Variants in EDEM3 observed in about 807,000 individuals in gnomAD.
EDEM3 encodes ER degradation-enhancing alpha-mannosidase-like protein 3.
A neutral mutation model predicts 110.2 loss-of-function variants in EDEM3; 60 were observed. That is an observed-to-expected ratio of 0.54 (90% confidence interval 0.44 to 0.67). The LOEUF (loss-of-function observed/expected upper bound fraction) is 0.67. Among genes scored for constraint, EDEM3 ranks in the 30% least tolerant of loss-of-function variants. The pLI, the probability that EDEM3 is intolerant of heterozygous loss-of-function variation, is 0.00. For missense variants in EDEM3, 996 were observed against 1,121.0 expected, an observed-to-expected ratio of 0.89 and a Z score of 1.59; for synonymous variants, 352 against 382.9, an observed-to-expected ratio of 0.92 and a Z score of 0.94.
rs775206379 is a variant in EDEM3 at position 184,754,585 on chromosome 1, A to C, written c.62T>G (p.Leu21Arg). The change falls in exon 1 of 20, where the codon CTA (leucine) becomes CGA (arginine). Residue 21 changes from leucine to arginine, a missense_variant. By Grantham distance (102) the Leu-to-Arg change is moderately radical. This residue lies in a region of EDEM3 where 200 missense variants were observed against 183.8 expected (regional missense o/e 1.09). Transcript: ENST00000318130. Reference protein sequence around the residue: ...SPVPQRARWRLVAATAAFCLV... With the variant: ...SPVPQRARWRRVAATAAFCLV... ...GCAGAACGCGGCCGTCGCCGCCACT[A>C]GTCTCCATCGCGCTCGCTGGGGAAC... 3.7e-6 allele frequency: 6 copies of C among 1,611,954 alleles called. No individual in the cohort carries two copies. Among genetic ancestry groups the C allele is most frequent in the Non-Finnish European group, 5.1e-6 (6 of 1,179,406 alleles).
chr1:184,752,250 T>C (rs1271829437), intron 1 of EDEM3, among the ~76,000 whole-genome samples: 1 of 152,246 alleles, frequency 6.6e-6, no homozygotes, highest in Non-Finnish European at 1.5e-5. Context: ...GTGTAAGTTA[T>C]TGAGCAATTG....
rs1649054479 is a variant in EDEM3 at position 184,691,336 on chromosome 1, G to C, written c.*2727C>G. ...AAAACTAGCTATTTTATTTTTAGTA[G>C]GTAAACAGGTTAAGTTTTAAAACTT... On this transcript the variant is annotated 3_prime_UTR_variant, in exon 20 of 20. Transcript: ENST00000318130. 6.6e-6 allele frequency: 1 copy of C among 152,238 alleles called. No homozygotes were observed. 9.4% of individuals were successfully genotyped at this position (152,238 alleles called of 1,614,324 possible). A position where few individuals can be genotyped will look rare whatever the true frequency, so the allele number is the denominator to read the frequency against.
intron 19 of EDEM3, among the ~76,000 whole-genome samples, chr1:184,700,825 C>T (rs1313689365): frequency 6.6e-6 from 1 of 151,856 alleles, no homozygotes; most frequent in Non-Finnish European, 1.5e-5. Flanking sequence ...ATTTCTGTTA[C>T]ATTAATAAAT....
rs1649109277 is a variant in EDEM3, at chr1:184,692,598, T to C, written c.*1465A>G. Reference sequence around the variant, plus strand: ...TAGGAAAAAGTTTTGTGTAATGTTATGGTAAAGAGAAGAAAATTATGTCTC... The same window carrying C: ...TAGGAAAAAGTTTTGTGTAATGTTACGGTAAAGAGAAGAAAATTATGTCTC... On this transcript the variant is annotated 3_prime_UTR_variant, in exon 20 of 20. Transcript: ENST00000318130. The C allele has an allele frequency of 6.6e-6, 1 of 152,116 alleles. No homozygotes were observed. The highest frequency in any genetic ancestry group is 1.5e-5 in the Non-Finnish European group (1 of 67,986). 9.4% of individuals were successfully genotyped at this position (152,116 alleles called of 1,614,324 possible).
At chr1:184,751,436 ATTCAATT>A (rs1027916176) in intron 1 of EDEM3, among the ~76,000 whole-genome samples, 3 of 152,220 alleles carry the variant, frequency 2.0e-5, no homozygotes, top group African/African-American at 7.2e-5. Context: ...CTTTACAAGC[ATTCAATT>A]TTCAAGACTG....
Position 184,708,209 on chromosome 1 carries a change from C to T in EDEM3, c.1981G>A (p.Val661Ile). Residue 661 changes from valine to isoleucine, a missense_variant, in exon 17 of 20, where the codon GTA becomes ATA. This residue lies in a region of EDEM3 where 345 missense variants were observed against 402.0 expected (regional missense o/e 0.86). Transcript: ENST00000318130. ...TGAGCTGGTCCAGCAGTCAATACTACCCTGCCAAAAAATGGGTGGGAAACA... is the reference window on the plus strand; with the variant it reads ...TGAGCTGGTCCAGCAGTCAATACTATCCTGCCAAAAAATGGGTGGGAAACA... ...QIVSHPFFGR[V>I]VLTAGPAQFG... 1.2e-6 allele frequency: 2 copies of T among 1,613,694 alleles called. No homozygotes were observed. The highest frequency in any genetic ancestry group is 8.5e-7 in the Non-Finnish European group (1 of 1,179,824).
chr1:184,705,966 A>C lies in EDEM3; in HGVS notation c.2203+677T>G, dbSNP rs578021384. Reference sequence around the variant, plus strand: ...GGTGGTAACTTGTCATTTCGGTAGAAAAAGATCCAAGGGGATAAAGATCTG... The same window carrying C: ...GGTGGTAACTTGTCATTTCGGTAGACAAAGATCCAAGGGGATAAAGATCTG... On this transcript the variant is annotated intron_variant, in intron 18 of 19. Transcript: ENST00000318130. Among the ~76,000 whole-genome samples, 25 of 152,332 alleles carry C rather than the reference A, an allele frequency of 1.6e-4. No individual in the cohort carries two copies. In the South Asian group the frequency reaches 5.0e-3, roughly 30 times the overall value.
At chr1:184,728,294 A>G (rs1333442815) in intron 6 of EDEM3, among the ~76,000 whole-genome samples, 1 of 152,250 alleles carries the variant, frequency 6.6e-6, no homozygotes, top group East Asian at 1.9e-4. Flanking sequence ...AGAAAAGGAA[A>G]TAACACTGAA....
chr1:184,719,602 G>A lies in EDEM3; in HGVS notation c.952-34C>T, dbSNP rs1291971082. 5.0e-6 allele frequency: 8 copies of A among 1,602,698 alleles called. No homozygotes were observed. The Admixed American group carries it at 7.0e-5, about 14-fold the overall frequency. Reference sequence around the variant, plus strand: ...TCACAACATGTGTTCATGAAAGTTAGATGAAAAAAGAGGTACTACTCTAAA... The same window carrying A: ...TCACAACATGTGTTCATGAAAGTTAAATGAAAAAAGAGGTACTACTCTAAA... On this transcript the variant is annotated intron_variant, in intron 9 of 19. Coordinates refer to ENST00000318130, the MANE Select transcript of EDEM3 (RefSeq NM_025191.4).
At chr1:184,751,688 T>G (rs1311616488) in intron 1 of EDEM3, among the ~76,000 whole-genome samples, 2 of 152,230 alleles carry the variant, frequency 1.3e-5, no homozygotes, top group African/African-American at 4.8e-5. Flanking sequence ...AAAACTGGAT[T>G]AAAATGTATT....
chr1:184,713,229 T>C (rs539160314), intron 13 of EDEM3, among the ~76,000 whole-genome samples: 10 of 151,916 alleles, frequency 6.6e-5, no homozygotes, highest in Non-Finnish European at 1.3e-4. Flanking sequence ...GCAGTGTCAC[T>C]GCACTCCAGC....
At chr1:184,723,677 A>C in intron 8 of EDEM3, 74 bp downstream of exon 8, 1 of 1,139,318 alleles carries the variant, frequency 8.8e-7, no homozygotes, top group Non-Finnish European at 1.3e-6. Flanking sequence ...GATTATTTTA[A>C]CAAATGAAAA....
chr1:184,742,394 C>A (rs1429931635), intron 2 of EDEM3, among the ~76,000 whole-genome samples: 1 of 151,832 alleles, frequency 6.6e-6, no homozygotes, highest in Non-Finnish European at 1.5e-5. Context: ...AGCATAAATT[C>A]CTAATTACTT....
At chr1:184,710,020 T>G (rs980767377) in intron 16 of EDEM3, among the ~76,000 whole-genome samples, 2 of 152,182 alleles carry the variant, frequency 1.3e-5, no homozygotes, top group Non-Finnish European at 2.9e-5. Context: ...CTTTGGAGAC[T>G]AAAATGATGT....
intron 14 of EDEM3, 28 bp downstream of exon 14, chr1:184,712,405 G>C: frequency 6.4e-7 from 1 of 1,563,018 alleles, no homozygotes; most frequent in Non-Finnish European, 8.6e-7. Flanking sequence ...ATAAAAAAGA[G>C]AATAAGACAT....
rs367798322 is a variant in EDEM3, at chr1:184,708,183, C to T, written c.2007G>A (p.Gln669=). ...GRVVLTAGPA[Q]FGLDLSKHKE... is the part of the protein sequence containing the mutation. The stretch of plus-strand genomic sequence containing the variant: ...TATGTTTAGACAGATCCAGCCCAAA[C>T]TGAGCTGGTCCAGCAGTCAATACTA... The change falls in exon 17 of 20, where the codon CAG becomes CAA. Residue 669 remains glutamine (Q), a synonymous_variant. Coordinates refer to ENST00000318130, the MANE Select transcript of EDEM3 (RefSeq NM_025191.4). 4 of 1,613,420 alleles carry T rather than the reference C, an allele frequency of 2.5e-6. No individual in the cohort carries two copies. The African/African-American group carries it at 5.3e-5, about 22-fold the overall frequency.
chr1:184,726,845 G>T (rs1211686146), intron 6 of EDEM3, among the ~76,000 whole-genome samples: 10 of 152,170 alleles, frequency 6.6e-5, no homozygotes. Context: ...TCACCATAGA[G>T]AAAAAACGGA....
rs557458534 is a variant in EDEM3 at position 184,748,596 on chromosome 1, T to C, written c.204+951A>G. The stretch of plus-strand genomic sequence containing the variant: ...AACATTAAGAACTCAAAATGTGCTC[T>C]CTCCAAATTTACAATATAAAAGAGA... On this transcript the variant is annotated intron_variant, in intron 2 of 19. Coordinates refer to ENST00000318130, the MANE Select transcript of EDEM3 (RefSeq NM_025191.4). Among the ~76,000 whole-genome samples, 22 of 152,268 alleles carry C rather than the reference T, an allele frequency of 1.4e-4. No homozygotes were observed. In the South Asian group the frequency reaches 4.1e-3, roughly 29 times the overall value.
intron 1 of EDEM3, among the ~76,000 whole-genome samples, chr1:184,753,957 C>T (rs1202352289): frequency 6.6e-6 from 1 of 152,186 alleles, no homozygotes; most frequent in Non-Finnish European, 1.5e-5. Flanking sequence ...TCCCCCCAAA[C>T]ATTCTATTAT....
Sources: gnomAD v4.1 joint callset for allele counts (sites outside exome capture counted in the v4.1 genomes callset) on GRCh38, gnomAD v4.1.1 for gene constraint, gnomAD v4.1.1 regional missense constraint, MANE v1.5 for transcripts, NCBI Gene and HGNC (gene_info 2026-07-23, HGNC 2026-07-21) for gene names.